The following CLINT1 variants were observed in gnomAD, a reference collection of about 807,000 sequenced individuals.
CLINT1 encodes clathrin interactor 1.
A neutral mutation model predicts 70.4 loss-of-function variants in CLINT1; 15 were observed. That is an observed-to-expected ratio of 0.21 (90% CI 0.14 to 0.33). The LOEUF is 0.33. CLINT1 is among the 10% of genes least tolerant of loss of function. CLINT1 has a pLI of 1.00. For synonymous variants in CLINT1, 227 were observed against 254.7 expected (o/e 0.89, Z 1.04); for missense variants, 615 against 778.1 (o/e 0.79, Z 2.49).
chr5:157,805,229 C>T (rs1762351237), intron 7 of CLINT1, among the ~76,000 whole-genome samples: 1 of 152,120 alleles, frequency 6.6e-6, no homozygotes, highest in South Asian at 2.1e-4. Context: ...ACTGGGGAAA[C>T]AGTAGTCGGG....
chr5:157,809,601 G>C, intron 6 of CLINT1, 27 bp downstream of exon 6: 1 of 1,561,668 alleles, frequency 6.4e-7, no homozygotes, highest in Non-Finnish European at 8.6e-7. Context: ...CTTTCTAAGA[G>C]ACCCGGGAGA....
At chr5:157,840,889 GA>G (rs1254660950) in intron 1 of CLINT1, among the ~76,000 whole-genome samples, 1 of 152,004 alleles carries the variant, frequency 6.6e-6, no homozygotes, top group East Asian at 1.9e-4. Flanking sequence ...TTAAAAAAGA[GA>G]AAAGTGTATA....
chr5:157,830,350 G>A (rs1276344822), intron 1 of CLINT1, among the ~76,000 whole-genome samples: 2 of 151,886 alleles, frequency 1.3e-5, no homozygotes, highest in African/African-American at 4.8e-5. Flanking sequence ...TAATGAATAG[G>A]TTTTCCTTTA....
chr5:157,847,429 T>C (rs1391757815), intron 1 of CLINT1, among the ~76,000 whole-genome samples: 3 of 151,808 alleles, frequency 2.0e-5, no homozygotes, highest in Non-Finnish European at 4.4e-5. Context: ...GAGAATGGCG[T>C]GAACCCAGGA....
intron 6 of CLINT1, 107 bp from the exon 7 acceptor site, chr5:157,806,219 C>A: frequency 9.1e-7 from 1 of 1,094,334 alleles, no homozygotes; most frequent in Non-Finnish European, 1.3e-6. Flanking sequence ...TCCAAAATTT[C>A]ATACTTTGAC....
At chr5:157,802,986 G>A (rs1044024154) in intron 8 of CLINT1, among the ~76,000 whole-genome samples, 2 of 152,128 alleles carry the variant, frequency 1.3e-5, no homozygotes, top group Admixed American at 1.3e-4. Context: ...CTTCGCATGA[G>A]GACAACAACT....
chr5:157,840,446 AT>A, intron 1 of CLINT1, among the ~76,000 whole-genome samples: 1 of 152,084 alleles, frequency 6.6e-6, no homozygotes, highest in South Asian at 2.1e-4. Context: ...TTTTCGGAAT[AT>A]TTTTTAACTA....
intron 1 of CLINT1, among the ~76,000 whole-genome samples, chr5:157,840,624 G>A (rs1753141173): frequency 6.7e-6 from 1 of 149,938 alleles, no homozygotes; most frequent in African/African-American, 2.5e-5. Context: ...GGGGGTGGGG[G>A]AGGGCGAATG....
chr5:157,840,339 G>T (rs1753130803), intron 1 of CLINT1, among the ~76,000 whole-genome samples: 2 of 150,708 alleles, frequency 1.3e-5, no homozygotes, highest in African/African-American at 4.9e-5. Context: ...CATTAAAAGA[G>T]ACTAGAGAAT....
At chr5:157,812,460 T>C (rs943382474) in intron 5 of CLINT1, among the ~76,000 whole-genome samples, 2 of 152,200 alleles carry the variant, frequency 1.3e-5, no homozygotes, top group East Asian at 1.9e-4. Flanking sequence ...TATTATTATA[T>C]TAAAAATAAA....
chr5:157,831,355 A>AT (rs1439175669), intron 1 of CLINT1, among the ~76,000 whole-genome samples: 1 of 151,488 alleles, frequency 6.6e-6, no homozygotes, highest in African/African-American at 2.4e-5. Flanking sequence ...TGCCCAGCTA[A>AT]TTTTTTTTGT....
At chr5:157,844,145 A>G (rs1753290340) in intron 1 of CLINT1, among the ~76,000 whole-genome samples, 2 of 152,122 alleles carry the variant, frequency 1.3e-5, no homozygotes, top group East Asian at 1.9e-4. Context: ...CCAATCTCAA[A>G]AACTAGACTT....
chr5:157,844,040 T>C (rs1753286320), intron 1 of CLINT1, among the ~76,000 whole-genome samples: 2 of 152,242 alleles, frequency 1.3e-5, no homozygotes, highest in South Asian at 4.1e-4. Context: ...AGTGATACCA[T>C]CTCTTTGTGA....
intron 1 of CLINT1, among the ~76,000 whole-genome samples, chr5:157,838,927 C>G (rs1763523955): frequency 6.6e-6 from 1 of 152,204 alleles, no homozygotes; most frequent in Non-Finnish European, 1.5e-5. Flanking sequence ...AAATCTTATT[C>G]TCTTTATATT....
Position 157,787,530 on chromosome 5 carries a change from A to G in CLINT1, c.*116T>C. On this transcript the variant is annotated 3_prime_UTR_variant, in exon 12 of 12. Coordinates refer to ENST00000411809, the MANE Select transcript of CLINT1 (RefSeq NM_014666.4). The stretch of plus-strand genomic sequence containing the variant: ...AAACAGCCTTTTTGGTTCTTTATGT[A>G]GATTTATTTTAATTACTTGATAAAA... 1.1e-6 allele frequency: 1 copy of G among 908,350 alleles called. No homozygotes were observed. The highest frequency in any genetic ancestry group is 1.7e-6 in the Non-Finnish European group (1 of 590,056). 56.3% of individuals were successfully genotyped at this position (908,350 alleles called of 1,614,324 possible). A position where few individuals can be genotyped will look rare whatever the true frequency, so the allele number is the denominator to read the frequency against.
chr5:157,837,417 C>T (rs168838), intron 1 of CLINT1, among the ~76,000 whole-genome samples: 20,514 of 149,982 alleles, frequency 0.14, 1,526 homozygotes, highest in Non-Finnish European at 0.19. Context: ...TAAATACACA[C>T]ACACACACAC....
At chr5:157,803,966 G>A (rs1350876958) in intron 7 of CLINT1, among the ~76,000 whole-genome samples, 1 of 149,188 alleles carries the variant, frequency 6.7e-6, no homozygotes, top group Non-Finnish European at 1.5e-5. Flanking sequence ...TCACTTTTCT[G>A]ACTGCATTTC....
chr5:157,842,716 A>G (rs1350418585), intron 1 of CLINT1, among the ~76,000 whole-genome samples: 1 of 152,172 alleles, frequency 6.6e-6, no homozygotes, highest in Non-Finnish European at 1.5e-5. Context: ...CTCAAATCCA[A>G]TTTTCAATAA....
rs202216906 is a variant in CLINT1, at chr5:157,809,605, C to T, written c.695+23G>A. The stretch of plus-strand genomic sequence containing the variant: ...AATTTAGGGCTCTTTCTAAGAGACC[C>T]GGGAGACAAAGTGGTAAAATACCTG... On this transcript the variant is annotated intron_variant, in intron 6 of 11. Transcript: ENST00000411809. The T allele has an allele frequency of 9.9e-4, 1,561 of 1,574,208 alleles. 2 individuals carry two copies. The highest frequency in any genetic ancestry group is 2.7e-3 in the Admixed American group (141 of 51,546).
Sources: gnomAD v4.1 joint callset for allele counts (sites outside exome capture counted in the v4.1 genomes callset) on GRCh38, gnomAD v4.1.1 for gene constraint, MANE v1.5 for transcripts, NCBI Gene and HGNC (gene_info 2026-07-23, HGNC 2026-07-21) for gene names.